Variants in COG6 observed in about 807,000 individuals in gnomAD.
The protein encoded by COG6 is component of oligomeric golgi complex 6.
COG6 carries 74 observed loss-of-function variants against 88.8 expected under a neutral mutation model. That is an observed-to-expected ratio of 0.83 (90% CI 0.69 to 1.01). The LOEUF is 1.01. Among genes scored for constraint, COG6 ranks in the 50% least tolerant of loss-of-function variants. COG6 has a pLI of 0.00. For synonymous variants in COG6, 286 were observed against 278.7 expected (o/e 1.03, Z -0.26); for missense variants, 800 against 797.9 (o/e 1.00, Z -0.03).
At chr13:39,716,614 T>C (rs1878542762) in intron 13 of COG6, among the ~76,000 whole-genome samples, 1 of 152,148 alleles carries the variant, frequency 6.6e-6, no homozygotes, top group Non-Finnish European at 1.5e-5. Context: ...GTAGATACTT[T>C]CTAGTCTACT....
rs770797809 is a variant in COG6 at position 39,727,447 on chromosome 13, T to G, written c.1747-22T>G. On this transcript the variant is annotated intron_variant, in intron 17 of 18. Transcript: ENST00000455146. The stretch of plus-strand genomic sequence containing the variant: ...TAGCACATATATGTACTTTATATTT[T>G]GTATTTCTCTGTTTCATTTAGGTTC... 10 of 1,561,506 alleles carry G rather than the reference T, an allele frequency of 6.4e-6. No homozygotes were observed. In the African/African-American group the frequency reaches 1.1e-4, roughly 17 times the overall value.
downstream of COG6, among the ~76,000 whole-genome samples, chr13:39,756,106 T>G (rs1395290629): frequency 1.3e-5 from 2 of 152,074 alleles, no homozygotes; most frequent in African/African-American, 4.8e-5. Context: ...ATGAGAAGAG[T>G]GTCTCACCAA....
chr13:39,791,594 T>G (rs1440492062), exon 19 of COG6: 1 of 152,102 alleles, frequency 6.6e-6, no homozygotes, highest in African/African-American at 2.4e-5. Context: ...ACCTTCTCAT[T>G]ACAGAACATA....
At position 39,727,489 on chromosome 13, in the gene COG6, G is replaced by A. The variant is rs1309177083; in HGVS notation, c.1767G>A (p.Leu589=). The change falls in exon 18 of 19, where the codon CTG becomes CTA. Residue 589 remains leucine (L), a synonymous_variant. Transcript: ENST00000455146. ...KAAMVQFDRY[L]SAPDNLLIPQ... is the part of the protein sequence containing the mutation. ...TTTAGGTTCAGTTTGATCGTTATCT[G>A]TCAGCCCCAGACAACCTATTGATAC... The A allele has an allele frequency of 6.2e-7, 1 of 1,613,016 alleles. No homozygotes were observed. Among genetic ancestry groups the A allele is most frequent in the East Asian group, 2.2e-5 (1 of 44,776 alleles).
chr13:39,677,509 T>C lies in COG6; in HGVS notation c.470T>C (p.Leu157Ser). Residue 157 changes from leucine (L) to serine (S), a missense_variant, in exon 5 of 19, where the codon TTA (leucine) becomes TCA (serine). Physicochemically the swap from Leu to Ser is moderately radical, Grantham distance 145 (BLOSUM62 -2). Coordinates refer to ENST00000455146, the MANE Select transcript of COG6 (RefSeq NM_020751.3). ...EIRAQVADAFLSKFQLTSDEM... is the reference protein window; with the variant it reads ...EIRAQVADAFSSKFQLTSDEM... ...AGAGCTCAAGTTGCAGATGCCTTCTTATCCAAGTTCCAACTGACTTCTGAT... is the reference window on the plus strand; with the variant it reads ...AGAGCTCAAGTTGCAGATGCCTTCTCATCCAAGTTCCAACTGACTTCTGAT... The C allele has an allele frequency of 6.2e-7, 1 of 1,613,582 alleles. No individual in the cohort carries two copies. Among genetic ancestry groups the C allele is most frequent in the Non-Finnish European group, 8.5e-7 (1 of 1,179,652 alleles).
At chr13:39,785,777 T>A (rs1236510914) in intron 18 of COG6, among the ~76,000 whole-genome samples, 1 of 152,228 alleles carries the variant, frequency 6.6e-6, no homozygotes, top group East Asian at 1.9e-4. Flanking sequence ...TTTTCTAGTT[T>A]ATCTTGTATT....
At chr13:39,736,093 A>G (rs372354906) in intron 18 of COG6, among the ~76,000 whole-genome samples, 64 of 152,124 alleles carry the variant, frequency 4.2e-4, no homozygotes, top group African/African-American at 1.5e-3. Context: ...TAAACTTTCT[A>G]CACTAATCTC....
intron 13 of COG6, among the ~76,000 whole-genome samples, chr13:39,713,134 T>C (rs530497677): frequency 6.6e-6 from 1 of 152,248 alleles, no homozygotes; most frequent in Admixed American, 6.5e-5. Context: ...GCCACTCACT[T>C]ACTGATGCTG....
intron 18 of COG6, among the ~76,000 whole-genome samples, chr13:39,779,387 G>A (rs996031281): frequency 2.6e-5 from 4 of 152,166 alleles, no homozygotes; most frequent in Non-Finnish European, 4.4e-5. Context: ...TATAAGCAAC[G>A]GTGTTATCTC....
chr13:39,737,907 C>T (rs1351682349), intron 18 of COG6, among the ~76,000 whole-genome samples: 1 of 152,120 alleles, frequency 6.6e-6, no homozygotes, highest in East Asian at 1.9e-4. Context: ...TGAGTTCTGC[C>T]TGGTGTTGCT....
intron 18 of COG6, among the ~76,000 whole-genome samples, chr13:39,771,452 C>A (rs968856119): frequency 6.6e-6 from 1 of 152,176 alleles, no homozygotes; most frequent in Non-Finnish European, 1.5e-5. Flanking sequence ...GGAGACCCGG[C>A]CCTGCTGCTC....
At position 39,787,128 on chromosome 13, in the gene COG6, T is replaced by G. The variant is rs146124530; in HGVS notation, c.1827-1207T>G. 2.6e-5 allele frequency among the ~76,000 whole-genome samples: 4 copies of G among 152,246 alleles called. No individual in the cohort carries two copies. The East Asian group carries it at 7.7e-4, about 29-fold the overall frequency. On this transcript the variant is annotated intron_variant, in intron 18 of 18. Coordinates refer to the COG6 transcript ENST00000416691. ...TCATTGTGAGATTGGCTCATCATGC[T>G]GTGAACTATAATGAGCAGACTGGGT... is the stretch of plus-strand genomic sequence containing the variant.
chr13:39,699,382 G>A (rs1409961907), intron 12 of COG6, 119 bp from the exon 13 acceptor site: 3 of 589,074 alleles, frequency 5.1e-6, no homozygotes, highest in East Asian at 6.0e-5. Context: ...TAATTCACAG[G>A]TTATATTTTA....
chr13:39,747,916 C>T (rs1880425733), intron 18 of COG6, among the ~76,000 whole-genome samples: 1 of 152,092 alleles, frequency 6.6e-6, no homozygotes, highest in African/African-American at 2.4e-5. Context: ...ACAAGTTACT[C>T]TGAACTTTTA....
chr13:39,660,186 T>TA (rs1194751473), intron 2 of COG6, among the ~76,000 whole-genome samples: 5 of 152,032 alleles, frequency 3.3e-5, no homozygotes, highest in African/African-American at 9.7e-5. Flanking sequence ...AGGATTTTTT[T>TA]AAAAAAAATT....
At chr13:39,738,313 G>A (rs1276963490) in intron 18 of COG6, among the ~76,000 whole-genome samples, 1 of 151,976 alleles carries the variant, frequency 6.6e-6, no homozygotes, top group Non-Finnish European at 1.5e-5. Context: ...GTGGAAGTTT[G>A]GTGTTTTAAT....
intron 18 of COG6, among the ~76,000 whole-genome samples, chr13:39,773,477 T>C (rs1881374660): frequency 6.6e-6 from 1 of 152,252 alleles, no homozygotes; most frequent in Non-Finnish European, 1.5e-5. Context: ...AAGCTGCGTA[T>C]GTTTTACCTC....
At chr13:39,688,877 A>G (rs922790171) in intron 10 of COG6, among the ~76,000 whole-genome samples, 6 of 152,136 alleles carry the variant, frequency 3.9e-5, no homozygotes, top group African/African-American at 9.7e-5. Context: ...TAAGAGAGAC[A>G]CTGTGGCTTG....
At chr13:39,788,681 G>T in exon 19 of COG6, 1 of 294,488 alleles carries the variant, frequency 3.4e-6, no homozygotes, top group Non-Finnish European at 6.3e-6. Context: ...CAATTGTGTT[G>T]GCTATTATCA....
Sources: gnomAD v4.1 joint callset for allele counts (sites outside exome capture counted in the v4.1 genomes callset) on GRCh38, gnomAD v4.1.1 for gene constraint, MANE v1.5 for transcripts, NCBI Gene and HGNC (gene_info 2026-07-23, HGNC 2026-07-21) for gene names.